DNM2: variants seen among roughly 807,000 people sequenced by gnomAD.
DNM2 encodes the protein dynamin 2, also known as dynamin-2.
DNM2 carries 15 observed loss-of-function variants against 99.0 expected under a neutral mutation model. That is an observed-to-expected ratio of 0.15 (90% CI 0.10 to 0.23). The LOEUF (loss-of-function observed/expected upper bound fraction) is 0.23, where lower values mean the gene tolerates loss of function less well. DNM2 is among the 10% of genes least tolerant of loss of function. The pLI is 1.00. For synonymous variants in DNM2, 525 were observed against 481.2 expected (o/e 1.09, Z -1.19); for missense variants, 742 against 1,189.4 (o/e 0.62, Z 5.53).
Position 10,831,803 on chromosome 19 carries a change from C to T in DNM2, c.*756C>T, listed in dbSNP as rs1057884. ...TGGGTGGGCCCAGGGCGGCCTCTCT[C>T]TGAGGAGACCTCACCCACTCCTCGC... On this transcript the variant is annotated 3_prime_UTR_variant, in exon 21 of 21. Coordinates refer to ENST00000389253, the MANE Select transcript of DNM2 (RefSeq NM_001005361.3). The surrounding 1 kb of genome is among the most constrained non-coding windows in gnomAD (Gnocchi z 4.3). 1 of 988,032 alleles carries T rather than the reference C, an allele frequency of 1.0e-6. No homozygotes were observed. Among genetic ancestry groups the T allele is most frequent in the African/African-American group, 1.7e-5 (1 of 57,248 alleles). The allele number at this position is 988,032 out of a possible 1,614,324, so 61.2% of individuals were successfully genotyped here.
intron 1 of DNM2, among the ~76,000 whole-genome samples, chr19:10,729,582 G>T (rs78624398): frequency 1.3e-5 from 2 of 152,102 alleles, no homozygotes; most frequent in South Asian, 2.1e-4. Flanking sequence ...TGCCCCCTGC[G>T]GACCGGAAAG....
rs1313674425 is a variant in DNM2, at chr19:10,831,494, C to T, written c.*447C>T. The T allele has an allele frequency of 2.8e-5, 28 of 988,634 alleles. No individual in the cohort carries two copies. The Admixed American group carries it at 4.3e-4, about 15-fold the overall frequency. 61.2% of individuals were successfully genotyped at this position (988,634 alleles called of 1,614,324 possible). On this transcript the variant is annotated 3_prime_UTR_variant, in exon 21 of 21. Transcript: ENST00000389253. The surrounding 1 kb of genome is among the most constrained non-coding windows in gnomAD (Gnocchi z 4.3). ...TATCAACTTCCCATTAGCAGGAGCT[C>T]CCCAGCGGCAAGCCTGGCCCAGTGG...
In DNM2 at chr19:10,820,012, C is replaced by G; in HGVS notation, c.1704C>G (p.Asp568Glu). 6.2e-7 allele frequency: 1 copy of G among 1,614,208 alleles called. No homozygotes were observed. Among genetic ancestry groups the G allele is most frequent in the Non-Finnish European group, 8.5e-7 (1 of 1,180,044 alleles). Residue 568 changes from aspartate (D) to glutamate (E), a missense_variant, in exon 16 of 21, where the codon GAC (aspartate) becomes GAG (glutamate). By Grantham distance (45) the Asp-to-Glu change is conservative. Coordinates refer to ENST00000389253, the MANE Select transcript of DNM2 (RefSeq NM_001005361.3). The surrounding 1 kb of genome is among the most constrained non-coding windows in gnomAD (Gnocchi z 4.3). ...EKEKKYMLPLDNLKIRDVEKG... is the reference protein window; with the variant it reads ...EKEKKYMLPLENLKIRDVEKG... The stretch of plus-strand genomic sequence containing the variant: ...AGAAGAAGTACATGCTGCCTCTGGA[C>G]AACCTCAAGATCCGTGATGTGGAGA...
intron 1 of DNM2, among the ~76,000 whole-genome samples, chr19:10,728,241 C>T (rs536238977): frequency 1.9e-4 from 29 of 152,272 alleles, no homozygotes; most frequent in African/African-American, 6.5e-4. Flanking sequence ...AAGATCTGAC[C>T]AGTGTCTTCT....
chr19:10,740,680 A>G (rs1331990899), intron 1 of DNM2, among the ~76,000 whole-genome samples: 2 of 152,128 alleles, frequency 1.3e-5, no homozygotes, highest in Admixed American at 6.6e-5. Flanking sequence ...CCCGGCCAAA[A>G]TCTTCCTTCT....
intron 1 of DNM2, among the ~76,000 whole-genome samples, chr19:10,731,192 A>T (rs1048321606): frequency 6.6e-6 from 1 of 152,048 alleles, no homozygotes; most frequent in East Asian, 1.9e-4. Context: ...AGGGAGGGAC[A>T]CAGCTGTCCT....
At chr19:10,807,539 CTTTTTTTTT>C (rs763788862) in intron 13 of DNM2, among the ~76,000 whole-genome samples, 3 of 91,212 alleles carry the variant, frequency 3.3e-5, no homozygotes, top group Non-Finnish European at 6.1e-5. Flanking sequence ...CACGTCCAGC[CTTTTTTTTT>C]TTTTTTTTTT....
Position 10,812,415 on chromosome 19 carries a change from G to A in DNM2, c.1671+38G>A. ...CGGGAGCAGGGCTGCTGGGGTAGGTGGGGCAGCCAGGGAAGAGCGGGTGGG... is the reference window on the plus strand; with the variant it reads ...CGGGAGCAGGGCTGCTGGGGTAGGTAGGGCAGCCAGGGAAGAGCGGGTGGG... On this transcript the variant is annotated intron_variant, in intron 15 of 20. Coordinates refer to ENST00000389253, the MANE Select transcript of DNM2 (RefSeq NM_001005361.3). This position sits in a 1 kb window ranked among gnomAD's most constrained non-coding sequence, Gnocchi z 4.0. 1 of 1,536,392 alleles carries A rather than the reference G, an allele frequency of 6.5e-7. No homozygotes were observed. Among genetic ancestry groups the A allele is most frequent in the Non-Finnish European group, 8.9e-7 (1 of 1,127,946 alleles).
Position 10,795,489 on chromosome 19 carries a change from A to AC in DNM2, c.1196+56dup, listed in dbSNP as rs773903466. 36 of 1,604,670 alleles carry AC rather than the reference A, an allele frequency of 2.2e-5. No individual in the cohort carries two copies. The Admixed American group carries it at 3.0e-4, about 13-fold the overall frequency. On this transcript the variant is annotated intron_variant, in intron 9 of 20. Transcript: ENST00000389253. This position sits in a 1 kb window ranked among gnomAD's most constrained non-coding sequence, Gnocchi z 4.2. ...ACTGTTCCTTCCTCTCCGTGGTGCG[A>AC]CCCCCCAGCTAATTGGGTCACCCAC...
chr19:10,720,235 CAG>C (rs1453993531), intron 1 of DNM2, among the ~76,000 whole-genome samples: 1 of 145,270 alleles, frequency 6.9e-6, no homozygotes, highest in African/African-American at 2.6e-5. Flanking sequence ...TTTTTTGAGA[CAG>C]AGTCTCCCTC....
intron 1 of DNM2, among the ~76,000 whole-genome samples, chr19:10,740,058 T>A (rs2069686795): frequency 1.3e-5 from 2 of 152,076 alleles, no homozygotes; most frequent in African/African-American, 4.8e-5. Context: ...GTATTTAATT[T>A]GTTAGAATAG....
intron 1 of DNM2, among the ~76,000 whole-genome samples, chr19:10,754,467 G>T (rs1345935930): frequency 6.6e-6 from 1 of 152,026 alleles, no homozygotes; most frequent in South Asian, 2.1e-4. Flanking sequence ...TGGCCAGGAT[G>T]GTCTTGATCT....
chr19:10,802,726 C>T (rs769058594), intron 12 of DNM2: 24 of 360,502 alleles, frequency 6.7e-5, no homozygotes, highest in East Asian at 1.3e-4. Flanking sequence ...ACTTCATGGA[C>T]AGCATCTCAT....
Position 10,775,606 on chromosome 19 carries a change from C to A in DNM2, c.386-97C>A. On this transcript the variant is annotated intron_variant, in intron 3 of 20. Coordinates refer to ENST00000389253, the MANE Select transcript of DNM2 (RefSeq NM_001005361.3). This position sits in a 1 kb window ranked among gnomAD's most constrained non-coding sequence, Gnocchi z 4.3. ...AGGCGACATCCTCAAGTCTGAGCCCCGCGCAGGAACTTTGGTAGTCAGCTG... is the reference window on the plus strand; with the variant it reads ...AGGCGACATCCTCAAGTCTGAGCCCAGCGCAGGAACTTTGGTAGTCAGCTG... The A allele has an allele frequency of 7.3e-7, 1 of 1,375,018 alleles. No individual in the cohort carries two copies. Among genetic ancestry groups the A allele is most frequent in the Non-Finnish European group, 1.0e-6 (1 of 966,240 alleles). 85.2% of individuals were successfully genotyped at this position (1,375,018 alleles called of 1,614,324 possible).
At chr19:10,803,489 C>T (rs772126257) in intron 12 of DNM2, 8 of 486,258 alleles carry the variant, frequency 1.6e-5, no homozygotes, top group East Asian at 1.5e-4. Context: ...GGGCTCACAG[C>T]GCTGGTCCCC....
intron 5 of DNM2, among the ~76,000 whole-genome samples, chr19:10,777,901 G>A (rs566956658): frequency 9.3e-5 from 14 of 150,872 alleles, no homozygotes; most frequent in African/African-American, 3.4e-4. Flanking sequence ...GGCCTATTAT[G>A]AGCATTTTCA....
At chr19:10,736,525 T>C (rs2069532427) in intron 1 of DNM2, among the ~76,000 whole-genome samples, 1 of 152,224 alleles carries the variant, frequency 6.6e-6, no homozygotes, top group Non-Finnish European at 1.5e-5. Context: ...CCTCCACATA[T>C]ATATTTTAGA....
chr19:10,797,359 C>T (rs1218098331), intron 9 of DNM2, 21 bp from the exon 10 acceptor site: 1 of 1,611,280 alleles, frequency 6.2e-7, no homozygotes, highest in Non-Finnish European at 8.5e-7. Flanking sequence ...TCTGCCTCAT[C>T]CTGCCCTCCG....
In DNM2 at chr19:10,729,177, A is replaced by AAT. The variant is rs1436728940; in HGVS notation, c.161+10775_161+10776insTA. The stretch of plus-strand genomic sequence containing the variant: ...GAGACTCCGTCTCAAAAAAAAAAAA[A>AAT]AAAAAAAAAAAAATATAAAAAATTA... On this transcript the variant is annotated intron_variant, in intron 1 of 20. Coordinates refer to ENST00000389253, the MANE Select transcript of DNM2 (RefSeq NM_001005361.3). Among the ~76,000 whole-genome samples, 11 of 146,340 alleles carry AAT rather than the reference A, an allele frequency of 7.5e-5. No homozygotes were observed. The East Asian group carries it at 7.9e-4, about 11-fold the overall frequency.
Sources: allele counts gnomAD v4.1 joint callset (sites outside exome capture counted in the v4.1 genomes callset), GRCh38; gene constraint gnomAD v4.1.1; non-coding constraint Gnocchi (gnomAD v3.1); transcripts MANE v1.5; gene names NCBI Gene and HGNC (gene_info 2026-07-23, HGNC 2026-07-21).